Variants in TNFSF13B observed in about 807,000 individuals in gnomAD.
The protein encoded by TNFSF13B is tumor necrosis factor ligand superfamily member 13B.
In TNFSF13B, 8 loss-of-function variants were observed where a neutral mutation model predicts 29.1. That is an observed-to-expected ratio of 0.27 (90% CI 0.16 to 0.50). The LOEUF is 0.50. TNFSF13B is among the 20% of genes least tolerant of loss of function. The pLI, the probability that TNFSF13B is intolerant of heterozygous loss-of-function variation, is 0.98. For missense variants in TNFSF13B, 248 were observed against 334.9 expected (o/e 0.74, Z 2.03); for synonymous variants, 125 against 130.8 (o/e 0.96, Z 0.30).
At chr13:108,274,520 C>T (rs1006837831) in intron 2 of TNFSF13B, among the ~76,000 whole-genome samples, 1 of 151,982 alleles carries the variant, frequency 6.6e-6, no homozygotes, top group South Asian at 2.1e-4. Context: ...GTCTACTATT[C>T]CTTGTTAATA....
intron 2 of TNFSF13B, among the ~76,000 whole-genome samples, chr13:108,273,306 A>G (rs1880672005): frequency 6.6e-6 from 1 of 152,180 alleles, no homozygotes; most frequent in Admixed American, 6.5e-5. Flanking sequence ...TCATGGAAGA[A>G]CTGTGTATCT....
At chr13:108,288,194 T>C (rs1372926753) in intron 3 of TNFSF13B, among the ~76,000 whole-genome samples, 1 of 152,200 alleles carries the variant, frequency 6.6e-6, no homozygotes, top group Non-Finnish European at 1.5e-5. Flanking sequence ...AGATAACTAG[T>C]GAACAAAAAT....
chr13:108,276,671 G>A (rs1880772164), intron 2 of TNFSF13B, among the ~76,000 whole-genome samples: 1 of 152,276 alleles, frequency 6.6e-6, no homozygotes, highest in Non-Finnish European at 1.5e-5. Context: ...GTGAGGAAGG[G>A]AAAGAAATGC....
chr13:108,285,907 C>T (rs977990020), intron 2 of TNFSF13B, among the ~76,000 whole-genome samples: 2 of 152,208 alleles, frequency 1.3e-5, no homozygotes, highest in African/African-American at 4.8e-5. Context: ...ATTGTATCTT[C>T]CCTACAGATC....
At position 108,303,308 on chromosome 13, in the gene TNFSF13B, A is replaced by G; in HGVS notation, c.537A>G (p.Glu179=). 6.2e-7 allele frequency: 1 copy of G among 1,613,584 alleles called. No individual in the cohort carries two copies. The highest frequency in any genetic ancestry group is 8.5e-7 in the Non-Finnish European group (1 of 1,179,738). ...GCTTTAAAAGGGGAAGTGCCCTAGA[A>G]GAAAAAGAGAATAAAATATTGGTCA... The part of the protein sequence containing the change: ...LLSFKRGSAL[E]EKENKILVKE... The change falls in exon 4 of 6, where the codon GAA becomes GAG. Residue 179 remains glutamate, a synonymous_variant. Coordinates refer to ENST00000375887, the MANE Select transcript of TNFSF13B (RefSeq NM_006573.5).
intron 5 of TNFSF13B, 130 bp from the exon 6 acceptor site, chr13:108,306,696 G>A (rs1392011717): frequency 1.1e-5 from 6 of 558,564 alleles, no homozygotes; most frequent in African/African-American, 4.0e-5. Flanking sequence ...TTAGAAGTCC[G>A]TTGGTGTATT....
At chr13:108,299,952 A>G (rs562384540) in intron 3 of TNFSF13B, among the ~76,000 whole-genome samples, 48 of 152,318 alleles carry the variant, frequency 3.2e-4, no homozygotes, top group African/African-American at 1.1e-3. Context: ...TAGGCTGACA[A>G]TGCACCAGTG....
chr13:108,287,132 AG>A (rs1372757639), intron 3 of TNFSF13B, among the ~76,000 whole-genome samples: 18 of 41,860 alleles, frequency 4.3e-4, no homozygotes, highest in African/African-American at 1.8e-3. Context: ...GGGTGGGGGG[AG>A]GGGGGAGGGA....
chr13:108,290,295 T>C lies in TNFSF13B; in HGVS notation c.481+3436T>C, dbSNP rs957570944. 4.6e-5 allele frequency among the ~76,000 whole-genome samples: 7 copies of C among 152,186 alleles called. No individual in the cohort carries two copies. The East Asian group carries it at 1.3e-3, about 29-fold the overall frequency. ...ATGTATTTAACCAGTCTCCTACCAATAGACTTCTTGGTGTCCATCTTTTGC... is the reference window on the plus strand; with the variant it reads ...ATGTATTTAACCAGTCTCCTACCAACAGACTTCTTGGTGTCCATCTTTTGC... On this transcript the variant is annotated intron_variant, in intron 3 of 5. Transcript: ENST00000375887.
rs1881791137 is a variant in TNFSF13B at position 108,306,906 on chromosome 13, G to A, written c.826G>A (p.Val276Ile). Residue 276 changes from valine to isoleucine, a missense_variant, in exon 6 of 6, where the codon GTC (valine) becomes ATC (isoleucine). By Grantham distance (29) the Val-to-Ile change is conservative (BLOSUM62 3). Coordinates refer to ENST00000375887, the MANE Select transcript of TNFSF13B (RefSeq NM_006573.5). ...ENAQISLDGD[V>I]TFFGALKLL The stretch of plus-strand genomic sequence containing the variant: ...TGCACAAATATCACTGGATGGAGAT[G>A]TCACATTTTTTGGTGCATTGAAACT... 3 of 1,604,822 alleles carry A rather than the reference G, an allele frequency of 1.9e-6. No homozygotes were observed. Among genetic ancestry groups the A allele is most frequent in the Non-Finnish European group, 2.6e-6 (3 of 1,175,554 alleles).
At chr13:108,303,054 A>C (rs552155653) in intron 3 of TNFSF13B, among the ~76,000 whole-genome samples, 199 bp from the exon 4 acceptor site, 4 of 152,318 alleles carry the variant, frequency 2.6e-5, no homozygotes, top group Admixed American at 2.6e-4. Flanking sequence ...ATATTAACCC[A>C]GGTTAACATA....
At chr13:108,277,263 T>G (rs1232721329) in intron 2 of TNFSF13B, among the ~76,000 whole-genome samples, 1 of 152,178 alleles carries the variant, frequency 6.6e-6, no homozygotes, top group Non-Finnish European at 1.5e-5. Flanking sequence ...TATTTAATAG[T>G]TGGAGAAGTT....
At chr13:108,301,257 C>G (rs1475008089) in intron 3 of TNFSF13B, 2 of 152,204 alleles carry the variant, frequency 1.3e-5, no homozygotes, top group Non-Finnish European at 2.9e-5. Context: ...CATCCAGGTA[C>G]TAACCATGCC....
intron 3 of TNFSF13B, among the ~76,000 whole-genome samples, chr13:108,297,561 T>C (rs967403506): frequency 6.8e-6 from 1 of 146,104 alleles, no homozygotes; most frequent in Non-Finnish European, 1.5e-5. Flanking sequence ...CTTCTCCTTC[T>C]GTAACTCTCA....
At chr13:108,290,437 A>G (rs1008402560) in intron 3 of TNFSF13B, among the ~76,000 whole-genome samples, 11 of 152,174 alleles carry the variant, frequency 7.2e-5, no homozygotes, top group African/African-American at 2.7e-4. Context: ...TAGGGGTTGT[A>G]AAGTGTTATG....
At chr13:108,280,892 A>G (rs1489860286) in intron 2 of TNFSF13B, among the ~76,000 whole-genome samples, 1 of 152,194 alleles carries the variant, frequency 6.6e-6, no homozygotes, top group Non-Finnish European at 1.5e-5. Flanking sequence ...GTTACAGAAA[A>G]TTATCATTTG....
At chr13:108,291,943 T>C (rs139141515) in intron 3 of TNFSF13B, among the ~76,000 whole-genome samples, 85 of 152,282 alleles carry the variant, frequency 5.6e-4, no homozygotes, top group Non-Finnish European at 1.0e-3. Flanking sequence ...AAATGCTAAA[T>C]ACTAGGGGTA....
intron 3 of TNFSF13B, among the ~76,000 whole-genome samples, chr13:108,299,814 A>C (rs1029672167): frequency 3.9e-5 from 6 of 152,060 alleles, no homozygotes; most frequent in African/African-American, 1.4e-4. Context: ...AAGACAATAT[A>C]TAAAAATAAG....
intron 2 of TNFSF13B, among the ~76,000 whole-genome samples, chr13:108,284,260 C>A (rs28646206): frequency 6.6e-6 from 1 of 152,098 alleles, no homozygotes; most frequent in African/African-American, 2.4e-5. Flanking sequence ...GCGCGGGAGG[C>A]GGAGCTTGCA....
Sources: gnomAD v4.1 joint callset for allele counts (sites outside exome capture counted in the v4.1 genomes callset) on GRCh38, gnomAD v4.1.1 for gene constraint, MANE v1.5 for transcripts, NCBI Gene and HGNC (gene_info 2026-07-23, HGNC 2026-07-21) for gene names.